Variants in MICU1 observed in about 807,000 individuals in gnomAD.
MICU1 encodes the protein calcium uptake protein 1, mitochondrial.
A neutral mutation model predicts 56.8 loss-of-function variants in MICU1; 45 were observed. The ratio of observed to expected loss-of-function variants is 0.79; its 90% CI spans 0.62 to 1.02. The LOEUF is 1.02. Ranked by LOEUF, MICU1 falls within the 50% of genes least tolerant of loss-of-function variation. The pLI is 0.00. For missense variants in MICU1, 504 were observed against 587.1 expected, an observed-to-expected ratio of 0.86 and a Z score of 1.46; for synonymous variants, 186 against 195.1, an observed-to-expected ratio of 0.95 and a Z score of 0.39.
chr10:72,489,320 ACAC>A (rs1564898343), intron 6 of MICU1, among the ~76,000 whole-genome samples: 33 of 142,386 alleles, frequency 2.3e-4, no homozygotes, highest in African/African-American at 7.3e-4. Context: ...ACACACACAC[ACAC>A]AAAAATAAAA....
chr10:72,417,652 T>G (rs1424688787), intron 9 of MICU1, among the ~76,000 whole-genome samples: 2 of 152,220 alleles, frequency 1.3e-5, no homozygotes, highest in Non-Finnish European at 2.9e-5. Flanking sequence ...ATTACATTTA[T>G]GAAGTCTCAG....
At chr10:72,507,420 G>T (rs1205460271) in intron 6 of MICU1, among the ~76,000 whole-genome samples, 1 of 152,162 alleles carries the variant, frequency 6.6e-6, no homozygotes, top group Non-Finnish European at 1.5e-5. Flanking sequence ...TCAAAATTGA[G>T]TTTTGTGTCT....
intron 5 of MICU1, among the ~76,000 whole-genome samples, chr10:72,516,574 C>A (rs1589298661): frequency 6.6e-6 from 1 of 152,128 alleles, no homozygotes; most frequent in Non-Finnish European, 1.5e-5. Context: ...TTAGGTCTTA[C>A]ATTTAAGTCT....
intron 8 of MICU1, among the ~76,000 whole-genome samples, chr10:72,435,444 C>T (rs2132167499): frequency 7.1e-6 from 1 of 141,192 alleles, no homozygotes; most frequent in East Asian, 2.1e-4. Context: ...TGAATAGGAA[C>T]AGCTCTGGTC....
At chr10:72,410,057 C>T (rs1291939714) in intron 9 of MICU1, among the ~76,000 whole-genome samples, 2 of 152,064 alleles carry the variant, frequency 1.3e-5, no homozygotes, top group African/African-American at 4.8e-5. Context: ...ATGTAAATAG[C>T]GTACTTACAA....
At chr10:72,591,820 C>T (rs143409867) in intron 1 of MICU1, among the ~76,000 whole-genome samples, 4 of 151,804 alleles carry the variant, frequency 2.6e-5, no homozygotes, top group South Asian at 4.2e-4. Flanking sequence ...CACACCAGAC[C>T]GAGCAACATG....
rs574762548 is a variant in MICU1 at position 72,583,100 on chromosome 10, A to T, written c.-1-16306T>A. ...GACCCTGCCTGTTAACAAAAAAGAA[A>T]AAACAAAAATAGCCATAATACAAGG... On this transcript the variant is annotated intron_variant, in intron 1 of 11. Transcript: ENST00000361114. 11 of 152,298 alleles carry T rather than the reference A, an allele frequency of 7.2e-5. 1 individual carries two copies. In the South Asian group the frequency reaches 2.3e-3, roughly 32 times the overall value. 9.4% of individuals were successfully genotyped at this position (152,298 alleles called of 1,614,324 possible). A position where few individuals can be genotyped will look rare whatever the true frequency, so the allele number is the denominator to read the frequency against.
chr10:72,625,628 A>AC lies in MICU1; in HGVS notation c.-2+381dup, dbSNP rs1489096581. 4.6e-5 allele frequency among the ~76,000 whole-genome samples: 7 copies of AC among 152,226 alleles called. No individual in the cohort carries two copies. In the South Asian group the frequency reaches 1.5e-3, roughly 32 times the overall value. On this transcript the variant is annotated intron_variant, in intron 1 of 11. Coordinates refer to ENST00000361114, the MANE Select transcript of MICU1 (RefSeq NM_001195518.2). ...TAGAAATCCATCTGTGAACTCCCGC[A>AC]CCCACTTCTAACCACATCCACAAAT...
intron 1 of MICU1, among the ~76,000 whole-genome samples, chr10:72,597,972 A>G (rs760836222): frequency 2.9e-4 from 44 of 152,308 alleles, no homozygotes; most frequent in Non-Finnish European, 6.2e-4. Context: ...TTTTGGATTA[A>G]GGATGCTCAA....
At chr10:72,467,801 C>T (rs1205239195) in intron 8 of MICU1, 1 of 151,538 alleles carries the variant, frequency 6.6e-6, no homozygotes, top group East Asian at 1.9e-4. Flanking sequence ...GACACTCGTG[C>T]TTCTTAAAAC....
intron 8 of MICU1, among the ~76,000 whole-genome samples, chr10:72,463,497 C>A (rs551253337): frequency 3.9e-5 from 6 of 152,132 alleles, no homozygotes; most frequent in Middle Eastern, 6.8e-3. Flanking sequence ...AGGTATGAAA[C>A]AAAAAAGCAC....
At chr10:72,401,373 G>A (rs1018353037) in intron 10 of MICU1, among the ~76,000 whole-genome samples, 3 of 152,152 alleles carry the variant, frequency 2.0e-5, no homozygotes, top group African/African-American at 7.2e-5. Context: ...ATCACTTCAG[G>A]CCAGGTGCGG....
intron 9 of MICU1, among the ~76,000 whole-genome samples, chr10:72,420,179 C>T (rs747116215): frequency 1.3e-5 from 2 of 152,134 alleles, no homozygotes; most frequent in Non-Finnish European, 2.9e-5. Context: ...CCTGCCTCAG[C>T]CTCCTGAGTA....
intron 1 of MICU1, among the ~76,000 whole-genome samples, chr10:72,589,660 A>T (rs532418945): frequency 6.6e-6 from 1 of 152,306 alleles, no homozygotes; most frequent in South Asian, 2.1e-4. Flanking sequence ...CTTCTAATTA[A>T]GAGTAGGGAA....
At chr10:72,447,420 G>C (rs1423016315) in intron 8 of MICU1, among the ~76,000 whole-genome samples, 1 of 152,016 alleles carries the variant, frequency 6.6e-6, no homozygotes, top group Non-Finnish European at 1.5e-5. Flanking sequence ...CATGATTATA[G>C]TCATGACAAA....
chr10:72,456,647 A>G (rs1367286829), intron 8 of MICU1, among the ~76,000 whole-genome samples: 3 of 152,140 alleles, frequency 2.0e-5, no homozygotes, highest in Non-Finnish European at 4.4e-5. Flanking sequence ...TATGTGATAT[A>G]ATAAATGTTA....
intron 10 of MICU1, among the ~76,000 whole-genome samples, chr10:72,405,001 G>A (rs1013205813): frequency 2.6e-5 from 4 of 152,098 alleles, no homozygotes; most frequent in African/African-American, 9.7e-5. Flanking sequence ...CCATCTCCCG[G>A]GTTCAAGTGA....
intron 10 of MICU1, among the ~76,000 whole-genome samples, chr10:72,399,629 A>G (rs1863384927): frequency 6.6e-6 from 1 of 151,896 alleles, no homozygotes; most frequent in Non-Finnish European, 1.5e-5. Flanking sequence ...CTGGGTGACA[A>G]AGCGAAACTC....
intron 8 of MICU1, among the ~76,000 whole-genome samples, chr10:72,437,966 A>G (rs1864789173): frequency 6.6e-6 from 1 of 152,200 alleles, no homozygotes; most frequent in Non-Finnish European, 1.5e-5. Flanking sequence ...TTAACACCCC[A>G]CTGTCAATAT....
Sources: gnomAD v4.1 joint callset for allele counts (sites outside exome capture counted in the v4.1 genomes callset) on GRCh38, gnomAD v4.1.1 for gene constraint, MANE v1.5 for transcripts, NCBI Gene and HGNC (gene_info 2026-07-23, HGNC 2026-07-21) for gene names.